Variants in KDM6A observed in about 807,000 individuals in gnomAD.
The protein encoded by KDM6A is lysine-specific demethylase 6A.
KDM6A carries 11 observed loss-of-function variants against 117.6 expected under a neutral mutation model. The ratio of observed to expected loss-of-function variants is 0.09; its 90% CI spans 0.06 to 0.15. The LOEUF is 0.15. Ranked by LOEUF, KDM6A falls within the 10% of genes least tolerant of loss-of-function variation. The pLI is 1.00. For synonymous variants in KDM6A, 384 were observed against 396.1 expected (o/e 0.97, Z 0.36); for missense variants, 799 against 1,077.3 (o/e 0.74, Z 3.62).
intron 3 of KDM6A, among the ~76,000 whole-genome samples, chrX:44,964,814 A>G (rs1470671623): frequency 1.8e-5 from 2 of 112,109 alleles, no homozygotes; most frequent in East Asian, 2.8e-4. Flanking sequence ...TAAAGGCACC[A>G]CCAGCATTAG....
At chrX:44,906,940 T>G in intron 2 of KDM6A, among the ~76,000 whole-genome samples, 1 of 112,074 alleles carries the variant, frequency 8.9e-6, no homozygotes, top group Non-Finnish European at 1.9e-5. Flanking sequence ...CTTCTCTTAT[T>G]TATCATCACA....
At position 45,103,729 on chromosome X, in the gene KDM6A, C is replaced by T. The variant is rs6609342; in HGVS notation, c.4035-3681C>T. On this transcript the variant is annotated intron_variant, in intron 27 of 29. Coordinates refer to ENST00000611820, the MANE Select transcript of KDM6A (RefSeq NM_001291415.2). Reference sequence around the variant, plus strand: ...GGTTGGATTAGATTCTAGTATATAACCTCAAATATGCCAAGCTCTCAATCA... The same window carrying T: ...GGTTGGATTAGATTCTAGTATATAATCTCAAATATGCCAAGCTCTCAATCA... Among the ~76,000 whole-genome samples the T allele has an allele frequency of 4.4e-3, 492 of 111,768 alleles. 30 individuals are homozygous for T. In the East Asian group the frequency reaches 0.11, roughly 24 times the overall value.
intron 8 of KDM6A, among the ~76,000 whole-genome samples, chrX:45,049,230 C>G (rs1002093173): frequency 1.3e-4 from 14 of 111,964 alleles, no homozygotes; most frequent in African/African-American, 4.6e-4. Context: ...GTCATTTAAA[C>G]TTGTATGTTC....
intron 3 of KDM6A, among the ~76,000 whole-genome samples, chrX:44,971,740 CT>C (rs1360537036): frequency 9.0e-6 from 1 of 110,917 alleles, no homozygotes; most frequent in Non-Finnish European, 1.9e-5. Context: ...CATATATAAC[CT>C]TGTGACATTT....
chrX:44,919,463 A>G (rs2035767537), intron 2 of KDM6A, among the ~76,000 whole-genome samples: 1 of 110,670 alleles, frequency 9.0e-6, no homozygotes, highest in African/African-American at 3.3e-5. Context: ...GTCAGGTAAC[A>G]GTTTCATGTC....
intron 15 of KDM6A, among the ~76,000 whole-genome samples, chrX:45,062,339 T>TA (rs1173670831): frequency 8.9e-6 from 1 of 112,509 alleles, no homozygotes; most frequent in African/African-American, 3.2e-5. Flanking sequence ...CTTGTCAATA[T>TA]ATTTTTAAGC....
chrX:44,891,426 A>T (rs1485442284), intron 2 of KDM6A, among the ~76,000 whole-genome samples: 1 of 111,620 alleles, frequency 9.0e-6, no homozygotes, highest in African/African-American at 3.3e-5. Flanking sequence ...TTTGTTAAAA[A>T]ATAGTTGCGT....
chrX:44,901,480 T>G (rs1326973914), intron 2 of KDM6A, among the ~76,000 whole-genome samples: 1 of 111,395 alleles, frequency 9.0e-6, no homozygotes, highest in African/African-American at 3.3e-5. Flanking sequence ...GAGTATTCTA[T>G]AGGTGGCTAT....
chrX:45,090,973 A>G, intron 27 of KDM6A, 109 bp downstream of exon 27: 1 of 799,409 alleles, frequency 1.3e-6, no homozygotes, highest in South Asian at 2.2e-5. Flanking sequence ...AATGGTGCAA[A>G]AGTCTAGCAG....
At chrX:45,006,252 G>A (rs1195465371) in intron 4 of KDM6A, among the ~76,000 whole-genome samples, 1 of 104,175 alleles carries the variant, frequency 9.6e-6, no homozygotes, top group Non-Finnish European at 2.0e-5. Context: ...GACCACAAGG[G>A]GCAGGGCATG....
At chrX:45,093,691 TA>T (rs757802796) in intron 27 of KDM6A, among the ~76,000 whole-genome samples, 6 of 111,100 alleles carry the variant, frequency 5.4e-5, no homozygotes, top group Non-Finnish European at 9.4e-5. Context: ...TAATCACCTC[TA>T]TCATCTTTTC....
At chrX:44,896,386 T>G (rs1323005483) in intron 2 of KDM6A, among the ~76,000 whole-genome samples, 1 of 111,393 alleles carries the variant, frequency 9.0e-6, no homozygotes, top group Admixed American at 9.6e-5. Flanking sequence ...CAAAAATAAA[T>G]TTTCTTAAGT....
At chrX:45,039,529 T>TTTTA (rs1491173649) in intron 8 of KDM6A, among the ~76,000 whole-genome samples, 24 of 85,393 alleles carry the variant, frequency 2.8e-4, no homozygotes, top group African/African-American at 1.1e-3. Flanking sequence ...TTTTTTTTTT[T>TTTTA]ATTGATCATT....
At chrX:44,895,493 C>T (rs1243518566) in intron 2 of KDM6A, among the ~76,000 whole-genome samples, 1 of 96,193 alleles carries the variant, frequency 1.0e-5, no homozygotes, top group Non-Finnish European at 2.1e-5. Context: ...GTTCTCCTGG[C>T]TTCAATTTTA....
intron 8 of KDM6A, among the ~76,000 whole-genome samples, chrX:45,043,066 G>T (rs1447712210): frequency 1.8e-5 from 2 of 112,102 alleles, no homozygotes; most frequent in Admixed American, 9.4e-5. Context: ...AAGGTGGGTG[G>T]ATCACTTGAG....
rs771082308 is a variant in KDM6A at position 45,011,785 on chromosome X, A to T, written c.443+766A>T. On this transcript the variant is annotated intron_variant, in intron 5 of 29. Transcript: ENST00000611820. ...GTTTATTTATTTATTTATTTATTTT[A>T]TTTATTTATTTATTTTTTGAGACAG... Among the ~76,000 whole-genome samples, 431 of 109,916 alleles carry T rather than the reference A, an allele frequency of 3.9e-3. 3 individuals are homozygous for T. Among genetic ancestry groups the T allele is most frequent in the African/African-American group, 0.013 (383 of 30,267 alleles).
intron 2 of KDM6A, among the ~76,000 whole-genome samples, chrX:44,913,123 C>T (rs766179148): frequency 1.1e-4 from 12 of 111,657 alleles, no homozygotes; most frequent in African/African-American, 3.6e-4. Flanking sequence ...TCTTTCTGCT[C>T]CTCCTCCTCT....
At chrX:45,105,117 G>A (rs1301709113) in intron 27 of KDM6A, among the ~76,000 whole-genome samples, 1 of 111,509 alleles carries the variant, frequency 9.0e-6, no homozygotes, top group Non-Finnish European at 1.9e-5. Flanking sequence ...TCTCATCTTC[G>A]AGGGGGAGTG....
chrX:45,069,923 A>G lies in KDM6A; in HGVS notation c.2424A>G (p.Ala808=), dbSNP rs746081539. Residue 808 remains alanine, a synonymous_variant, in exon 18 of 30, where the codon GCA becomes GCG. Transcript: ENST00000611820. ...CTAATCATGTCCATCAGATGACGGC[A>G]GATGCTGTTTGCAGTCCTAGCCATG... ...GLPNHVHQMT[A]DAVCSPSHGD... is the part of the protein sequence containing the mutation. 2 of 1,211,900 alleles carry G rather than the reference A, an allele frequency of 1.7e-6. No individual in the cohort carries two copies. Among genetic ancestry groups the G allele is most frequent in the East Asian group, 5.9e-5 (2 of 33,848 alleles).
Sources: allele counts gnomAD v4.1 joint callset (sites outside exome capture counted in the v4.1 genomes callset), GRCh38; gene constraint gnomAD v4.1.1; transcripts MANE v1.5; gene names NCBI Gene and HGNC (gene_info 2026-07-23, HGNC 2026-07-21).